CECR2: variants seen among roughly 807,000 people sequenced by gnomAD.
The protein encoded by CECR2 is CECR2 histone acetyl-lysine reader, also known as chromatin remodeling regulator CECR2.
A neutral mutation model predicts 154.5 loss-of-function variants in CECR2; 30 were observed. That is an observed-to-expected ratio of 0.19 (90% CI 0.15 to 0.26). The LOEUF (loss-of-function observed/expected upper bound fraction) is 0.26, where lower values mean the gene tolerates loss of function less well. Among genes scored for constraint, CECR2 ranks in the 10% least tolerant of loss-of-function variants. The pLI, the probability that CECR2 is intolerant of heterozygous loss-of-function variation, is 1.00. For missense variants in CECR2, 1,743 were observed against 1,829.3 expected (o/e 0.95, Z 0.86); for synonymous variants, 725 against 683.7 (o/e 1.06, Z -0.94).
At chr22:17,463,186 C>G (rs2054970874) in intron 1 of CECR2, among the ~76,000 whole-genome samples, 1 of 152,072 alleles carries the variant, frequency 6.6e-6, no homozygotes, top group South Asian at 2.1e-4. Context: ...ATCTGAGGAG[C>G]AGGTAAGAGG....
intron 7 of CECR2, among the ~76,000 whole-genome samples, chr22:17,510,894 C>CG (rs2055936797): frequency 6.6e-6 from 1 of 152,134 alleles, no homozygotes; most frequent in Non-Finnish European, 1.5e-5. Flanking sequence ...CGTGAGCCAC[C>CG]CCACCCAGCC....
chr22:17,476,620 G>A (rs16982533), intron 1 of CECR2, among the ~76,000 whole-genome samples: 3,782 of 152,160 alleles, frequency 0.025, 173 homozygotes, highest in African/African-American at 0.086. Flanking sequence ...TGCACATCTC[G>A]TACTTTTCAG....
chr22:17,516,304 A>T (rs1014242050), intron 8 of CECR2, among the ~76,000 whole-genome samples: 1 of 151,558 alleles, frequency 6.6e-6, no homozygotes, highest in Non-Finnish European at 1.5e-5. Flanking sequence ...TACATTTTAT[A>T]TGTATATATA....
rs1398487576 is a variant in CECR2, at chr22:17,555,444, C to T, written c.*2604C>T. 2.0e-5 allele frequency: 3 copies of T among 152,194 alleles called. No individual in the cohort carries two copies. Among genetic ancestry groups the T allele is most frequent in the African/African-American group, 7.2e-5 (3 of 41,428 alleles). 9.4% of individuals were successfully genotyped at this position (152,194 alleles called of 1,614,324 possible). On this transcript the variant is annotated 3_prime_UTR_variant, in exon 19 of 19. Coordinates refer to ENST00000262608, the MANE Select transcript of CECR2 (RefSeq NM_001290047.2). Reference sequence around the variant, plus strand: ...CTTCGTCCATTGTCCAGGGAGTGTCCTGAGCTTTCACTGGTCTTTGAAGTG... The same window carrying T: ...CTTCGTCCATTGTCCAGGGAGTGTCTTGAGCTTTCACTGGTCTTTGAAGTG...
chr22:17,435,104 T>A (rs1184955428), intron 1 of CECR2, among the ~76,000 whole-genome samples: 4 of 152,184 alleles, frequency 2.6e-5, no homozygotes, highest in Admixed American at 6.5e-5. Flanking sequence ...TAGTGCCAGC[T>A]GAGTCATGAA....
At chr22:17,506,103 TC>T (rs1014337691) in intron 7 of CECR2, among the ~76,000 whole-genome samples, 2 of 152,098 alleles carry the variant, frequency 1.3e-5, no homozygotes, top group Non-Finnish European at 2.9e-5. Context: ...TGTCTTGGCT[TC>T]CCAAAGTGCT....
rs575510375 is a variant in CECR2, at chr22:17,486,742, C to T, written c.221+9060C>T. ...AGGATACATATATATGGAAAACTTACGAAGAAGATCAAGTGAAAGCTTATC... is the reference window on the plus strand; with the variant it reads ...AGGATACATATATATGGAAAACTTATGAAGAAGATCAAGTGAAAGCTTATC... On this transcript the variant is annotated intron_variant, in intron 2 of 18. Coordinates refer to ENST00000262608, the MANE Select transcript of CECR2 (RefSeq NM_001290047.2). Among the ~76,000 whole-genome samples, 49 of 152,270 alleles carry T rather than the reference C, an allele frequency of 3.2e-4. No homozygotes were observed. The South Asian group carries it at 7.9e-3, about 24-fold the overall frequency.
chr22:17,454,926 G>A (rs2054830537), intron 1 of CECR2, among the ~76,000 whole-genome samples: 1 of 152,192 alleles, frequency 6.6e-6, no homozygotes, highest in Admixed American at 6.5e-5. Context: ...CAGCAGTTGT[G>A]CCATGAGAGT....
chr22:17,429,024 C>G (rs1194645864), intron 1 of CECR2, among the ~76,000 whole-genome samples: 1 of 151,956 alleles, frequency 6.6e-6, no homozygotes, highest in Admixed American at 6.6e-5. Context: ...TTCCAGTGCT[C>G]AGATAACTGC....
intron 1 of CECR2, among the ~76,000 whole-genome samples, chr22:17,425,738 A>AG (rs5844307): frequency 0.32 from 48,057 of 152,016 alleles, 7,691 homozygotes; most frequent in African/African-American, 0.38. Flanking sequence ...GGATAGACCA[A>AG]GGGTCTAATC....
At chr22:17,434,870 G>A (rs1316480306) in intron 1 of CECR2, among the ~76,000 whole-genome samples, 1 of 152,132 alleles carries the variant, frequency 6.6e-6, no homozygotes, top group Non-Finnish European at 1.5e-5. Flanking sequence ...AGTCAAGGGG[G>A]ACTTGAGAGC....
chr22:17,449,695 TAGTC>T (rs2054737688), intron 1 of CECR2, among the ~76,000 whole-genome samples: 1 of 151,842 alleles, frequency 6.6e-6, no homozygotes, highest in South Asian at 2.1e-4. Context: ...TTCACTGTGT[TAGTC>T]AGGATGGTCT....
intron 8 of CECR2, among the ~76,000 whole-genome samples, chr22:17,523,004 C>CGGCG (rs1555925702): frequency 1.5e-5 from 2 of 131,420 alleles, no homozygotes; most frequent in Non-Finnish European, 3.4e-5. Flanking sequence ...GACTCCATCT[C>CGGCG]GGGGGGAAAA....
intron 12 of CECR2, 107 bp downstream of exon 12, chr22:17,538,838 T>G: frequency 7.6e-7 from 1 of 1,313,382 alleles, no homozygotes; most frequent in South Asian, 1.4e-5. Flanking sequence ...GTTTTTCTTT[T>G]CAACTGTCAA....
At chr22:17,465,217 T>C (rs546040390) in intron 1 of CECR2, among the ~76,000 whole-genome samples, 9 of 152,164 alleles carry the variant, frequency 5.9e-5, no homozygotes, top group East Asian at 5.8e-4. Context: ...AGGATGGTCT[T>C]GATCTCCTGA....
At chr22:17,460,567 C>T (rs1026933056) in intron 1 of CECR2, among the ~76,000 whole-genome samples, 1 of 152,194 alleles carries the variant, frequency 6.6e-6, no homozygotes, top group African/African-American at 2.4e-5. Flanking sequence ...CTGTACTCCC[C>T]AGTGACCCAG....
At chr22:17,534,503 ATTTAT>A (rs899814217) in intron 9 of CECR2, among the ~76,000 whole-genome samples, 2 of 151,554 alleles carry the variant, frequency 1.3e-5, no homozygotes, top group African/African-American at 4.8e-5. Flanking sequence ...TGATTACTTT[ATTTAT>A]TTATTTATTT....
At chr22:17,414,456 CT>C (rs1189863394) in intron 1 of CECR2, among the ~76,000 whole-genome samples, 4,517 of 118,016 alleles carry the variant, frequency 0.038, 178 homozygotes, top group African/African-American at 0.12. Context: ...TTTCTTTTTT[CT>C]TTTTTTTTTT....
intron 1 of CECR2, among the ~76,000 whole-genome samples, chr22:17,461,342 T>C (rs1340585067): frequency 2.6e-5 from 4 of 152,230 alleles, no homozygotes; most frequent in Non-Finnish European, 5.9e-5. Flanking sequence ...TTTATCCTCT[T>C]TTAAATATTC....
Sources: allele counts gnomAD v4.1 joint callset (sites outside exome capture counted in the v4.1 genomes callset), GRCh38; gene constraint gnomAD v4.1.1; transcripts MANE v1.5; gene names NCBI Gene and HGNC (gene_info 2026-07-23, HGNC 2026-07-21).